The following DLGAP2 variants were observed in gnomAD, a reference collection of about 807,000 sequenced individuals.
DLGAP2 encodes DLG associated protein 2.
DLGAP2 carries 26 observed loss-of-function variants against 100.3 expected under a neutral mutation model. The ratio of observed to expected loss-of-function variants is 0.26; its 90% CI spans 0.19 to 0.36. The LOEUF is 0.36. Among genes scored for constraint, DLGAP2 ranks in the 10% least tolerant of loss-of-function variants. The pLI, the probability that DLGAP2 is intolerant of heterozygous loss-of-function variation, is 1.00. For synonymous variants in DLGAP2, 886 were observed against 630.1 expected, an observed-to-expected ratio of 1.41 and a Z score of -6.08; for missense variants, 1,858 against 1,453.2, an observed-to-expected ratio of 1.28 and a Z score of -4.53.
intron 2 of DLGAP2, among the ~76,000 whole-genome samples, chr8:945,216 C>G (rs1369062650): frequency 1.3e-5 from 2 of 152,146 alleles, no homozygotes; most frequent in African/African-American, 4.8e-5. Context: ...TGTTTTAAAT[C>G]CAAGGCACCA....
At position 1,678,068 on chromosome 8, in the gene DLGAP2, G is replaced by A. The variant is rs994322124; in HGVS notation, c.2289-146G>A. On this transcript the variant is annotated intron_variant, in intron 11 of 14. Transcript: ENST00000637795. ...ATGTTCTTCCACAGACAAAACACCAGCATATTTCACAAACAAAACACTACC... is the reference window on the plus strand; with the variant it reads ...ATGTTCTTCCACAGACAAAACACCAACATATTTCACAAACAAAACACTACC... 24 of 838,056 alleles carry A rather than the reference G, an allele frequency of 2.9e-5. No individual in the cohort carries two copies. In the East Asian group the frequency reaches 5.8e-4, roughly 20 times the overall value. 51.9% of individuals were successfully genotyped at this position (838,056 alleles called of 1,614,324 possible).
intron 2 of DLGAP2, among the ~76,000 whole-genome samples, chr8:1,136,374 A>T (rs1020696277): frequency 2.0e-5 from 3 of 152,206 alleles, no homozygotes; most frequent in East Asian, 1.9e-4. Flanking sequence ...TCCACAGCAG[A>T]TGCTCGTGGG....
chr8:882,844 C>G (rs1223296415), intron 1 of DLGAP2, among the ~76,000 whole-genome samples: 3 of 152,276 alleles, frequency 2.0e-5, no homozygotes, highest in African/African-American at 7.2e-5. Context: ...CTCCGTTCCC[C>G]TCCGCCCCGT....
chr8:1,441,683 CAAAAAA>C (rs35789497), intron 3 of DLGAP2, among the ~76,000 whole-genome samples: 1 of 74,630 alleles, frequency 1.3e-5, no homozygotes, highest in Non-Finnish European at 3.1e-5. Context: ...GACTCCATCT[CAAAAAA>C]AAAAAAAAAA....
chr8:1,072,070 G>T (rs1200242307), intron 2 of DLGAP2, among the ~76,000 whole-genome samples: 1 of 152,206 alleles, frequency 6.6e-6, no homozygotes, highest in Non-Finnish European at 1.5e-5. Flanking sequence ...ATGATCTTTG[G>T]CTCCGTCCTG....
chr8:1,548,478 A>C (rs532389425), intron 4 of DLGAP2, 148 bp from the exon 5 acceptor site: 89 of 571,100 alleles, frequency 1.6e-4, no homozygotes, highest in Middle Eastern at 4.7e-4. Context: ...AAAAAAAAAA[A>C]AAAAAACCCA....
At chr8:898,801 C>G (rs1386273894) in intron 1 of DLGAP2, among the ~76,000 whole-genome samples, 1 of 152,204 alleles carries the variant, frequency 6.6e-6, no homozygotes, top group African/African-American at 2.4e-5. Flanking sequence ...GCCTTGGTCA[C>G]TCTCCCGTGT....
At chr8:1,004,027 C>G (rs188242651) in intron 2 of DLGAP2, among the ~76,000 whole-genome samples, 2 of 152,092 alleles carry the variant, frequency 1.3e-5, no homozygotes, top group Non-Finnish European at 2.9e-5. Flanking sequence ...TTGATGTTGC[C>G]TGGCACAAAA....
At chr8:1,574,084 A>C (rs150456739) in intron 6 of DLGAP2, among the ~76,000 whole-genome samples, 1 of 152,300 alleles carries the variant, frequency 6.6e-6, no homozygotes, top group African/African-American at 2.4e-5. Flanking sequence ...GGTGGGTAGG[A>C]GAGCATCAGC....
intron 2 of DLGAP2, among the ~76,000 whole-genome samples, chr8:1,193,035 G>C (rs1245041879): frequency 6.6e-6 from 1 of 152,130 alleles, no homozygotes; most frequent in Non-Finnish European, 1.5e-5. Context: ...GTATTCCATG[G>C]TGTATATGTG....
At chr8:1,694,434 G>A (rs1799328359) in intron 13 of DLGAP2, among the ~76,000 whole-genome samples, 1 of 152,218 alleles carries the variant, frequency 6.6e-6, no homozygotes, top group African/African-American at 2.4e-5. Flanking sequence ...TGACCACAGG[G>A]AGCGGAGCCT....
At chr8:1,570,871 G>A (rs1177470563) in intron 6 of DLGAP2, among the ~76,000 whole-genome samples, 3 of 149,548 alleles carry the variant, frequency 2.0e-5, no homozygotes, top group Non-Finnish European at 3.0e-5. Context: ...TGATGAGATG[G>A]AGAAGAGAGA....
chr8:809,240 G>T (rs974973815), intron 1 of DLGAP2, among the ~76,000 whole-genome samples: 2 of 152,090 alleles, frequency 1.3e-5, no homozygotes, highest in Non-Finnish European at 2.9e-5. Flanking sequence ...TATACTCTCT[G>T]TATTAGCACG....
chr8:1,188,647 C>T (rs901141546), intron 2 of DLGAP2, among the ~76,000 whole-genome samples: 2 of 152,114 alleles, frequency 1.3e-5, no homozygotes, highest in South Asian at 2.1e-4. Context: ...CCCAATAGAA[C>T]AGCGACTCAT....
intron 4 of DLGAP2, among the ~76,000 whole-genome samples, chr8:1,544,217 TG>T (rs1203563843): frequency 6.6e-6 from 1 of 152,178 alleles, no homozygotes; most frequent in Non-Finnish European, 1.5e-5. Flanking sequence ...TTTACCTCCT[TG>T]GTTAGGCGGT....
chr8:1,146,659 G>A (rs770736103), intron 2 of DLGAP2, among the ~76,000 whole-genome samples: 5 of 152,158 alleles, frequency 3.3e-5, no homozygotes, highest in African/African-American at 4.8e-5. Context: ...GTGCATGCAC[G>A]TGTGTGTGCA....
intron 3 of DLGAP2, among the ~76,000 whole-genome samples, chr8:1,491,409 G>A (rs1799385072): frequency 1.3e-5 from 2 of 152,234 alleles, no homozygotes; most frequent in South Asian, 2.1e-4. Flanking sequence ...GGAGGCTTCC[G>A]GCTGCTCCCC....
At chr8:856,955 G>A (rs1250324870) in intron 1 of DLGAP2, among the ~76,000 whole-genome samples, 2 of 152,262 alleles carry the variant, frequency 1.3e-5, no homozygotes, top group Non-Finnish European at 2.9e-5. Flanking sequence ...AGAACTGACA[G>A]TTGATCTCAA....
chr8:1,334,761 G>A (rs1246546242), intron 3 of DLGAP2, among the ~76,000 whole-genome samples: 4 of 152,132 alleles, frequency 2.6e-5, no homozygotes, highest in Admixed American at 6.6e-5. Flanking sequence ...TCATACCACC[G>A]AGAAGCCATA....
Sources: allele counts gnomAD v4.1 joint callset (sites outside exome capture counted in the v4.1 genomes callset), GRCh38; gene constraint gnomAD v4.1.1; transcripts MANE v1.5; gene names NCBI Gene and HGNC (gene_info 2026-07-23, HGNC 2026-07-21).